Variants in EXOC6B observed in about 807,000 individuals in gnomAD.
EXOC6B encodes the protein exocyst complex component 6B, also known as SEC15 homolog B.
EXOC6B carries 54 observed loss-of-function variants against 113.5 expected under a neutral mutation model. The observed-to-expected ratio is 0.48, with a 90% CI of 0.38 to 0.60. EXOC6B has a LOEUF of 0.60. Among genes scored for constraint, EXOC6B ranks in the 20% least tolerant of loss-of-function variants. EXOC6B has a pLI of 0.00. For missense variants in EXOC6B, 797 were observed against 977.5 expected (o/e 0.82, Z 2.46); for synonymous variants, 357 against 339.0 (o/e 1.05, Z -0.58).
intron 20 of EXOC6B, among the ~76,000 whole-genome samples, chr2:72,202,963 A>G (rs1679579965): frequency 6.6e-6 from 1 of 152,202 alleles, no homozygotes; most frequent in Non-Finnish European, 1.5e-5. Context: ...TCTGCCTAAG[A>G]GCCGGCCAGT....
At chr2:72,713,496 T>C (rs959923378) in intron 6 of EXOC6B, among the ~76,000 whole-genome samples, 3 of 152,138 alleles carry the variant, frequency 2.0e-5, no homozygotes, top group Non-Finnish European at 4.4e-5. Context: ...GTTAGTTACA[T>C]ATGTATACAT....
At chr2:72,479,560 A>T (rs1698950600) in intron 17 of EXOC6B, among the ~76,000 whole-genome samples, 1 of 152,222 alleles carries the variant, frequency 6.6e-6, no homozygotes, top group Admixed American at 6.5e-5. Context: ...TATGTTTCAA[A>T]ACTAAAACAA....
intron 18 of EXOC6B, among the ~76,000 whole-genome samples, chr2:72,460,488 A>C (rs1172483566): frequency 6.6e-6 from 1 of 152,170 alleles, no homozygotes; most frequent in East Asian, 1.9e-4. Flanking sequence ...CAGAATCTAC[A>C]ATGAACTCAA....
chr2:72,472,777 T>A (rs1255384482), intron 17 of EXOC6B, among the ~76,000 whole-genome samples: 1 of 152,184 alleles, frequency 6.6e-6, no homozygotes. Context: ...TGTTAGATTG[T>A]TTATTTGAAA....
At chr2:72,229,693 T>C (rs1255998317) in intron 20 of EXOC6B, among the ~76,000 whole-genome samples, 2 of 152,314 alleles carry the variant, frequency 1.3e-5, no homozygotes, top group Non-Finnish European at 2.9e-5. Flanking sequence ...TATTATAGAG[T>C]CACCTGCAAG....
At chr2:72,228,092 A>G (rs1681358828) in intron 20 of EXOC6B, among the ~76,000 whole-genome samples, 1 of 152,172 alleles carries the variant, frequency 6.6e-6, no homozygotes, top group African/African-American at 2.4e-5. Context: ...GGATTTTACC[A>G]GGAGAAGGAT....
At chr2:72,605,152 G>C (rs971007017) in intron 6 of EXOC6B, among the ~76,000 whole-genome samples, 4 of 151,772 alleles carry the variant, frequency 2.6e-5, no homozygotes, top group African/African-American at 9.7e-5. Context: ...GTGTGATGGC[G>C]GGTGCTTGTA....
chr2:72,772,083 A>G (rs1573771644), intron 1 of EXOC6B, among the ~76,000 whole-genome samples: 1 of 152,162 alleles, frequency 6.6e-6, no homozygotes, highest in Non-Finnish European at 1.5e-5. Context: ...AAGAAAATAT[A>G]CATTAAAGGG....
chr2:72,276,028 G>T (rs754387725), intron 20 of EXOC6B, among the ~76,000 whole-genome samples: 3 of 152,244 alleles, frequency 2.0e-5, no homozygotes, highest in Admixed American at 2.0e-4. Context: ...AGTAGGGAGT[G>T]GGGGATGGAG....
intron 19 of EXOC6B, among the ~76,000 whole-genome samples, chr2:72,375,536 G>T (rs1427677282): frequency 6.6e-6 from 1 of 151,760 alleles, no homozygotes; most frequent in Non-Finnish European, 1.5e-5. Flanking sequence ...CTAAATATTT[G>T]GGAAGTAAAC....
intron 6 of EXOC6B, among the ~76,000 whole-genome samples, chr2:72,691,634 T>C (rs184326056): frequency 7.3e-4 from 111 of 151,522 alleles, no homozygotes; most frequent in African/African-American, 2.6e-3. Flanking sequence ...AAAAAGAAAC[T>C]ATAAACTAGC....
chr2:72,559,448 C>A lies in EXOC6B; in HGVS notation c.915+5G>T. On this transcript the variant is annotated splice_donor_5th_base_variant and intron_variant, in intron 8 of 21. Transcript: ENST00000272427. ...TTTATTAGGCAGAGCCAGATAAAGA[C>A]TCACCAGGACAGAATATATATGTAG... The A allele has an allele frequency of 6.4e-7, 1 of 1,567,924 alleles. No homozygotes were observed. The highest frequency in any genetic ancestry group is 8.6e-7 in the Non-Finnish European group (1 of 1,158,984).
intron 6 of EXOC6B, among the ~76,000 whole-genome samples, chr2:72,674,929 C>T (rs1466977518): frequency 6.6e-6 from 1 of 152,200 alleles, no homozygotes; most frequent in African/African-American, 2.4e-5. Flanking sequence ...CTAAGCTGTG[C>T]AATGCACAAT....
chr2:72,796,623 C>T (rs1009451825), intron 1 of EXOC6B, among the ~76,000 whole-genome samples: 3 of 152,094 alleles, frequency 2.0e-5, no homozygotes, highest in East Asian at 1.9e-4. Context: ...TGAATCTCTT[C>T]GCCTCCACTT....
chr2:72,562,233 G>A (rs1436256156), intron 7 of EXOC6B, among the ~76,000 whole-genome samples: 2 of 152,080 alleles, frequency 1.3e-5, no homozygotes, highest in East Asian at 3.9e-4. Flanking sequence ...AACATACATT[G>A]GATGTGAAGG....
chr2:72,470,015 T>C (rs939671636), intron 17 of EXOC6B, among the ~76,000 whole-genome samples: 1 of 152,118 alleles, frequency 6.6e-6, no homozygotes, highest in Non-Finnish European at 1.5e-5. Context: ...CCTCATTTAT[T>C]TGTATGTACT....
chr2:72,189,454 T>G (rs1034168882), intron 20 of EXOC6B, among the ~76,000 whole-genome samples: 2 of 152,218 alleles, frequency 1.3e-5, no homozygotes, highest in African/African-American at 4.8e-5. Context: ...GATCACCTGA[T>G]TAAGATGTTG....
At position 72,660,241 on chromosome 2, in the gene EXOC6B, G is replaced by A. The variant is rs370161713; in HGVS notation, c.669+57862C>T. 1.5e-4 allele frequency among the ~76,000 whole-genome samples: 23 copies of A among 151,902 alleles called. 2 individuals are homozygous for A. The highest frequency in any genetic ancestry group is 4.6e-4 in the African/African-American group (19 of 41,492). On this transcript the variant is annotated intron_variant, in intron 6 of 21. Coordinates refer to ENST00000272427, the MANE Select transcript of EXOC6B (RefSeq NM_015189.3). ...CATTGGTAATTTAACAATCTTGAAT[G>A]GAGTGAACAAAAAATACTTATTGTA...
intron 18 of EXOC6B, among the ~76,000 whole-genome samples, chr2:72,395,539 T>C (rs1429665220): frequency 6.6e-6 from 1 of 152,152 alleles, no homozygotes; most frequent in Non-Finnish European, 1.5e-5. Context: ...TCATTTAAGA[T>C]ATGCTTTACA....
Sources: allele counts gnomAD v4.1 joint callset (sites outside exome capture counted in the v4.1 genomes callset), GRCh38; gene constraint gnomAD v4.1.1; transcripts MANE v1.5; gene names NCBI Gene and HGNC (gene_info 2026-07-23, HGNC 2026-07-21).